The following RPS6KA2 variants were observed in gnomAD, a reference collection of about 807,000 sequenced individuals.
RPS6KA2 encodes the protein ribosomal protein S6 kinase alpha-2.
Under a neutral mutation model 91.8 loss-of-function variants are expected in RPS6KA2, and 42 were observed. The ratio of observed to expected loss-of-function variants is 0.46; its 90% CI spans 0.36 to 0.59. The LOEUF (loss-of-function observed/expected upper bound fraction) is 0.59, where lower values mean the gene tolerates loss of function less well. Ranked by LOEUF, RPS6KA2 falls within the 20% of genes least tolerant of loss-of-function variation. RPS6KA2 has a pLI of 0.00. For synonymous variants in RPS6KA2, 414 were observed against 393.6 expected, an observed-to-expected ratio of 1.05 and a Z score of -0.61; for missense variants, 798 against 978.5, an observed-to-expected ratio of 0.82 and a Z score of 2.46.
At chr6:166,543,462 A>G (rs1001893701) in intron 1 of RPS6KA2, among the ~76,000 whole-genome samples, 1 of 152,082 alleles carries the variant, frequency 6.6e-6, no homozygotes, top group Non-Finnish European at 1.5e-5. Flanking sequence ...AGCCATCCAA[A>G]TCTTACCCAT....
In RPS6KA2 at chr6:166,533,074, G is replaced by A. The variant is rs566965708; in HGVS notation, c.217-1761C>T. Among the ~76,000 whole-genome samples the A allele has an allele frequency of 8.5e-5, 13 of 152,314 alleles. No individual in the cohort carries two copies. In the South Asian group the frequency reaches 2.5e-3, roughly 29 times the overall value. Reference sequence around the variant, plus strand: ...AGGGTGTTCCCTCTGTGCAGTGGGCGAGCTTCCTGACAGGCAGGTAGAGAT... The same window carrying A: ...AGGGTGTTCCCTCTGTGCAGTGGGCAAGCTTCCTGACAGGCAGGTAGAGAT... On this transcript the variant is annotated intron_variant, in intron 2 of 20. Transcript: ENST00000265678. The surrounding 1 kb of genome is among the most constrained non-coding windows in gnomAD (Gnocchi z 4.0).
At chr6:166,545,451 T>A (rs140231572) in intron 1 of RPS6KA2, among the ~76,000 whole-genome samples, 2 of 152,132 alleles carry the variant, frequency 1.3e-5, no homozygotes, top group African/African-American at 4.8e-5. Context: ...TCACTGAAGC[T>A]CCTCGGAACT....
In RPS6KA2 at chr6:166,500,302, G is replaced by T. The variant is rs996354234; in HGVS notation, c.604+585C>A. 6.6e-6 allele frequency among the ~76,000 whole-genome samples: 1 copy of T among 152,226 alleles called. No homozygotes were observed. Among genetic ancestry groups the T allele is most frequent in the African/African-American group, 2.4e-5 (1 of 41,462 alleles). The stretch of plus-strand genomic sequence containing the variant: ...GGCATTTTGTTGCAGATGCTATAGG[G>T]AACTAATACAAATGGGGTGTCCTGA... On this transcript the variant is annotated intron_variant, in intron 7 of 20. Coordinates refer to ENST00000265678, the MANE Select transcript of RPS6KA2 (RefSeq NM_021135.6). This position sits in a 1 kb window ranked among gnomAD's most constrained non-coding sequence, Gnocchi z 4.3.
chr6:166,453,197 TCACACACACACACA>T (rs149702729), intron 12 of RPS6KA2, among the ~76,000 whole-genome samples: 5 of 141,232 alleles, frequency 3.5e-5, no homozygotes, highest in East Asian at 4.1e-4. Flanking sequence ...TGAGACTCCA[TCACACACACACACA>T]CACACACACA....
At chr6:166,804,615 T>C (rs1779445455) in intron 2 of RPS6KA2, among the ~76,000 whole-genome samples, 1 of 151,948 alleles carries the variant, frequency 6.6e-6, no homozygotes, top group Admixed American at 6.6e-5. Flanking sequence ...TTACATAGAG[T>C]ATTATATATT....
intron 2 of RPS6KA2, among the ~76,000 whole-genome samples, chr6:166,671,668 T>C (rs945357925): frequency 1.3e-5 from 2 of 151,152 alleles, no homozygotes; most frequent in Non-Finnish European, 3.0e-5. Context: ...CTTTCTTCTC[T>C]GTGCTCTGAA....
At chr6:166,439,530 T>C (rs1202570066) in intron 14 of RPS6KA2, among the ~76,000 whole-genome samples, 3 of 152,354 alleles carry the variant, frequency 2.0e-5, no homozygotes, top group South Asian at 4.1e-4. Context: ...CCCGACTTTG[T>C]TGAGGTGCTG....
At chr6:166,479,439 C>T (rs541267213) in intron 10 of RPS6KA2, among the ~76,000 whole-genome samples, 2 of 152,282 alleles carry the variant, frequency 1.3e-5, no homozygotes, top group African/African-American at 2.4e-5. Context: ...GGGGCGGCCC[C>T]GGCCACAGTG....
intron 2 of RPS6KA2, among the ~76,000 whole-genome samples, chr6:166,756,402 T>C (rs539495108): frequency 6.6e-6 from 1 of 152,378 alleles, no homozygotes; most frequent in African/African-American, 2.4e-5. Flanking sequence ...GTATTTCATA[T>C]TTTTTCTTTT....
At chr6:166,654,119 A>G (rs1399491430) in intron 2 of RPS6KA2, among the ~76,000 whole-genome samples, 1 of 152,240 alleles carries the variant, frequency 6.6e-6, no homozygotes, top group Non-Finnish European at 1.5e-5. Context: ...GCTTTCAAAA[A>G]CACTTACCTA....
intron 1 of RPS6KA2, among the ~76,000 whole-genome samples, chr6:166,613,348 T>C (rs1475589396): frequency 6.6e-6 from 1 of 152,224 alleles, no homozygotes; most frequent in Non-Finnish European, 1.5e-5. Context: ...CAGATTGCAG[T>C]ATAACGAGAA....
intron 1 of RPS6KA2, among the ~76,000 whole-genome samples, chr6:166,592,999 T>G (rs978347572): frequency 1.3e-5 from 2 of 152,176 alleles, no homozygotes; most frequent in Non-Finnish European, 2.9e-5. Context: ...GACGTGTTAG[T>G]CACTCAAGAC....
intron 1 of RPS6KA2, among the ~76,000 whole-genome samples, chr6:166,590,928 T>C (rs6900800): frequency 0.053 from 8,020 of 152,144 alleles, 714 homozygotes; most frequent in African/African-American, 0.18. Context: ...ACACAAACCT[T>C]TGCAAGTAAA....
chr6:166,413,298 A>G (rs1182916609), intron 20 of RPS6KA2, among the ~76,000 whole-genome samples: 1 of 152,168 alleles, frequency 6.6e-6, no homozygotes. Flanking sequence ...GCCACTGTTG[A>G]GGAGTCTGGA....
chr6:166,821,544 A>G lies in RPS6KA2; in HGVS notation c.123+36656T>C, dbSNP rs113900312. On this transcript the variant is annotated intron_variant, in intron 2 of 21. Coordinates refer to the RPS6KA2 transcript ENST00000503859. This position sits in a 1 kb window ranked among gnomAD's most constrained non-coding sequence, Gnocchi z 4.1. ...GCACGGGTCTGCCCTGTCCATGTGCATCCTCCGTGTGGGTGCGGTGGGCCA... is the reference window on the plus strand; with the variant it reads ...GCACGGGTCTGCCCTGTCCATGTGCGTCCTCCGTGTGGGTGCGGTGGGCCA... Among the ~76,000 whole-genome samples the G allele has an allele frequency of 9.0e-4, 137 of 152,146 alleles. No individual in the cohort carries two copies. Among genetic ancestry groups the G allele is most frequent in the African/African-American group, 3.1e-3 (130 of 41,502 alleles).
intron 13 of RPS6KA2, among the ~76,000 whole-genome samples, chr6:166,450,017 A>G (rs78875799): frequency 2.4e-5 from 2 of 82,900 alleles, no homozygotes; most frequent in African/African-American, 7.9e-5. Context: ...ATGTCACCTA[A>G]GGGACCACCA....
chr6:166,430,596 T>G lies in RPS6KA2; in HGVS notation c.1438A>C (p.Lys480Gln), dbSNP rs1358852770. 3 of 1,613,386 alleles carry G rather than the reference T, an allele frequency of 1.9e-6. No homozygotes were observed. ...AGCTCCATTACCAGGTACACAAACTTGCCATCATCATAGACCTGCGGAGTG... is the reference window on the plus strand; with the variant it reads ...AGCTCCATTACCAGGTACACAAACTGGCCATCATCATAGACCTGCGGAGTG... ...ITLKDVYDDGKFVYLVMELMR... is the reference protein window; with the variant it reads ...ITLKDVYDDGQFVYLVMELMR... Residue 480 changes from lysine to glutamine, a missense_variant, in exon 16 of 21, where the codon AAG (lysine) becomes CAG (glutamine). By Grantham distance (53) the Lys-to-Gln change is moderately conservative. Transcript: ENST00000265678.
At chr6:166,720,605 C>G (rs137905450) in intron 2 of RPS6KA2, among the ~76,000 whole-genome samples, 7 of 152,236 alleles carry the variant, frequency 4.6e-5, no homozygotes, top group African/African-American at 1.7e-4. Context: ...GAGAAACTAG[C>G]ACTAAATAAT....
intron 2 of RPS6KA2, among the ~76,000 whole-genome samples, chr6:166,711,164 T>C (rs1212019090): frequency 6.6e-6 from 1 of 151,188 alleles, no homozygotes; most frequent in East Asian, 2.0e-4. Flanking sequence ...TTGGGATTAG[T>C]GGAGGCCACA....
Sources: allele counts gnomAD v4.1 joint callset (sites outside exome capture counted in the v4.1 genomes callset), GRCh38; gene constraint gnomAD v4.1.1; non-coding constraint Gnocchi (gnomAD v3.1); transcripts MANE v1.5; gene names NCBI Gene and HGNC (gene_info 2026-07-23, HGNC 2026-07-21).